ITGAE: variants seen among roughly 807,000 people sequenced by gnomAD.
ITGAE encodes integrin alpha-E.
In ITGAE, 99 loss-of-function variants were observed where a neutral mutation model predicts 136.5. The ratio of observed to expected loss-of-function variants is 0.73; its 90% CI spans 0.62 to 0.86. The LOEUF (loss-of-function observed/expected upper bound fraction) is 0.86, where lower values mean the gene tolerates loss of function less well. Among genes scored for constraint, ITGAE ranks in the 40% least tolerant of loss-of-function variants. The pLI, the probability that ITGAE is intolerant of heterozygous loss-of-function variation, is 0.00. For synonymous variants in ITGAE, 613 were observed against 591.8 expected, an observed-to-expected ratio of 1.04 and a Z score of -0.52; for missense variants, 1,447 against 1,515.3, an observed-to-expected ratio of 0.95 and a Z score of 0.75.
intron 26 of ITGAE, chr17:3,724,766 G>A: frequency 1.2e-6 from 2 of 1,614,202 alleles, no homozygotes; most frequent in East Asian, 2.2e-5. Context: ...AACTGGTGGT[G>A]GGAAATGGAC....
At chr17:3,733,875 C>T (rs1200123386) in intron 21 of ITGAE, among the ~76,000 whole-genome samples, 1 of 152,162 alleles carries the variant, frequency 6.6e-6, no homozygotes, top group African/African-American at 2.4e-5. Flanking sequence ...AGCAGGCCAG[C>T]CTGTGAATCA....
chr17:3,738,446 G>A (rs1488960948), intron 20 of ITGAE, among the ~76,000 whole-genome samples: 3 of 152,166 alleles, frequency 2.0e-5, no homozygotes, highest in Non-Finnish European at 4.4e-5. Flanking sequence ...TGGGATTACA[G>A]GCATGAGCCA....
At chr17:3,728,289 A>G (rs1364193127) in intron 24 of ITGAE, 121 bp from the exon 25 acceptor site, 1 of 771,398 alleles carries the variant, frequency 1.3e-6, no homozygotes, top group Non-Finnish European at 2.3e-6. Context: ...GTGTAGCCTC[A>G]ACCTCCCAGG....
chr17:3,732,872 T>C (rs1370291055), intron 21 of ITGAE, among the ~76,000 whole-genome samples: 1 of 152,030 alleles, frequency 6.6e-6, no homozygotes, highest in East Asian at 1.9e-4. Context: ...CCACCAGGGC[T>C]CCCCACCTGG....
At chr17:3,764,123 A>C (rs1284187037) in intron 2 of ITGAE, among the ~76,000 whole-genome samples, 163 bp from the exon 3 acceptor site, 1 of 152,156 alleles carries the variant, frequency 6.6e-6, no homozygotes, top group East Asian at 1.9e-4. Flanking sequence ...ACATTTGCCC[A>C]ACCTCTGCTT....
rs1194067306 is a variant in ITGAE, at chr17:3,732,571, G to A, written c.2656-105C>T. 9 of 904,634 alleles carry A rather than the reference G, an allele frequency of 9.9e-6. No individual in the cohort carries two copies. The East Asian group carries it at 2.0e-4, about 20-fold the overall frequency. 56.0% of individuals were successfully genotyped at this position (904,634 alleles called of 1,614,324 possible). ...CAAACATTCACTAATTTTTCTGCCT[G>A]TCAGACACCCTGCCAGGAGCTAAAG... On this transcript the variant is annotated intron_variant, in intron 21 of 30. Coordinates refer to ENST00000263087, the MANE Select transcript of ITGAE (RefSeq NM_002208.5).
At chr17:3,754,353 C>A in intron 12 of ITGAE, among the ~76,000 whole-genome samples, 1 of 152,158 alleles carries the variant, frequency 6.6e-6, no homozygotes, top group Admixed American at 6.5e-5. Context: ...CTCATTGCAA[C>A]CTCCCCCTCC....
At chr17:3,779,049 T>C (rs1378092487) in intron 1 of ITGAE, among the ~76,000 whole-genome samples, 1 of 144,760 alleles carries the variant, frequency 6.9e-6, no homozygotes, top group Non-Finnish European at 1.5e-5. Flanking sequence ...AAAACTAACC[T>C]ATAGTAAAAA....
intron 1 of ITGAE, among the ~76,000 whole-genome samples, chr17:3,793,602 A>G (rs1567562988): frequency 6.6e-6 from 1 of 152,214 alleles, no homozygotes; most frequent in Non-Finnish European, 1.5e-5. Flanking sequence ...TTGAGAGTCT[A>G]TGTAGGCTGT....
At chr17:3,748,979 T>C (rs182053055) in intron 16 of ITGAE, among the ~76,000 whole-genome samples, 3 of 152,296 alleles carry the variant, frequency 2.0e-5, no homozygotes, top group Admixed American at 2.0e-4. Context: ...GGGATAGGGC[T>C]GCTGCTGTGT....
intron 26 of ITGAE, among the ~76,000 whole-genome samples, chr17:3,727,305 A>G (rs1454153864): frequency 6.6e-6 from 1 of 152,188 alleles, no homozygotes; most frequent in African/African-American, 2.4e-5. Context: ...GGGGCAGTGT[A>G]AGAAATGTCA....
At chr17:3,780,167 ATTTG>A (rs2052632690) in intron 1 of ITGAE, among the ~76,000 whole-genome samples, 2 of 103,188 alleles carry the variant, frequency 1.9e-5, no homozygotes, top group East Asian at 2.7e-4. Flanking sequence ...TTGTTTGTTT[ATTTG>A]TTTTTTTTTT....
chr17:3,782,398 G>A (rs1317919722), intron 1 of ITGAE, among the ~76,000 whole-genome samples: 13 of 135,740 alleles, frequency 9.6e-5, no homozygotes, highest in African/African-American at 2.8e-4. Context: ...ATGGAGTTTC[G>A]CTCTTGTCGC....
intron 30 of ITGAE, among the ~76,000 whole-genome samples, chr17:3,716,133 C>T (rs944457928): frequency 4.0e-5 from 6 of 151,384 alleles, no homozygotes; most frequent in African/African-American, 4.9e-5. Context: ...ATCGCACCAC[C>T]GCACTCAAGC....
chr17:3,796,437 C>A (rs996197663), intron 1 of ITGAE, among the ~76,000 whole-genome samples: 1 of 152,148 alleles, frequency 6.6e-6, no homozygotes, highest in African/African-American at 2.4e-5. Context: ...CACTGAAGGA[C>A]CCTGGGCTTG....
rs560387432 is a variant in ITGAE at position 3,732,339 on chromosome 17, G to A, written c.2754+29C>T. On this transcript the variant is annotated intron_variant, in intron 22 of 30. Transcript: ENST00000263087. ...GAAGACGCCAACTGCAGGGTGGTGAGAAGAGCGAATCAGTCCAAACCGACT... is the reference window on the plus strand; with the variant it reads ...GAAGACGCCAACTGCAGGGTGGTGAAAAGAGCGAATCAGTCCAAACCGACT... 6.8e-5 allele frequency: 105 copies of A among 1,533,194 alleles called. No individual in the cohort carries two copies. The South Asian group carries it at 1.1e-3, about 16-fold the overall frequency. The allele number at this position is 1,533,194 out of a possible 1,614,324, so 95.0% of individuals were successfully genotyped here. A position where few individuals can be genotyped will look rare whatever the true frequency, so the allele number is the denominator to read the frequency against.
chr17:3,727,820 C>T, intron 26 of ITGAE, 99 bp downstream of exon 26: 1 of 791,376 alleles, frequency 1.3e-6, no homozygotes, highest in African/African-American at 1.7e-5. Context: ...CCATGGTTAA[C>T]TTGTCTTCAC....
In ITGAE at chr17:3,757,396, G is replaced by A. The variant is rs1330316955; in HGVS notation, c.1021-262C>T. 2.0e-5 allele frequency among the ~76,000 whole-genome samples: 3 copies of A among 152,208 alleles called. No homozygotes were observed. The East Asian group carries it at 5.8e-4, about 29-fold the overall frequency. On this transcript the variant is annotated intron_variant, in intron 9 of 30. Coordinates refer to ENST00000263087, the MANE Select transcript of ITGAE (RefSeq NM_002208.5). ...CCCTCTGCCTGCAGGGCCCCTCTCT[G>A]CCTCCCCTGTGCCCTAGGCCAGCTA...
chr17:3,720,174 G>A, intron 29 of ITGAE, 133 bp downstream of exon 29: 1 of 579,842 alleles, frequency 1.7e-6, no homozygotes, highest in Non-Finnish European at 3.1e-6. Flanking sequence ...GGTCACAAAG[G>A]CAGCGATGGC....
Sources: gnomAD v4.1 joint callset for allele counts (sites outside exome capture counted in the v4.1 genomes callset) on GRCh38, gnomAD v4.1.1 for gene constraint, MANE v1.5 for transcripts, NCBI Gene and HGNC (gene_info 2026-07-23, HGNC 2026-07-21) for gene names.